RARB: variants seen among roughly 807,000 people sequenced by gnomAD.
RARB encodes the protein HBV-activated protein.
A neutral mutation model predicts 51.9 loss-of-function variants in RARB; 17 were observed. The observed-to-expected ratio is 0.33, with a 90% confidence interval of 0.22 to 0.49. RARB has a LOEUF of 0.49. Ranked by LOEUF, RARB falls within the 20% of genes least tolerant of loss-of-function variation. RARB has a pLI of 0.99. For missense variants in RARB, 369 were observed against 550.8 expected, an observed-to-expected ratio of 0.67 and a Z score of 3.30; for synonymous variants, 215 against 195.4, an observed-to-expected ratio of 1.10 and a Z score of -0.84.
At chr3:24,934,858 G>C (rs1229330182) in intron 2 of RARB, among the ~76,000 whole-genome samples, 2 of 152,036 alleles carry the variant, frequency 1.3e-5, no homozygotes, top group East Asian at 1.9e-4. Context: ...TGATGACTAT[G>C]ATTTATCAAG....
chr3:25,364,347 T>G (rs1163408980), intron 5 of RARB, among the ~76,000 whole-genome samples: 1 of 152,172 alleles, frequency 6.6e-6, no homozygotes, highest in Non-Finnish European at 1.5e-5. Context: ...TGGTAAGCAA[T>G]TTTTAAACAA....
intron 1 of RARB, among the ~76,000 whole-genome samples, chr3:24,834,141 C>T (rs1702313834): frequency 6.6e-6 from 1 of 152,186 alleles, no homozygotes; most frequent in South Asian, 2.1e-4. Context: ...TGGATATGTT[C>T]CAAGGTAGAA....
chr3:25,218,695 C>T (rs1442475374), intron 5 of RARB, among the ~76,000 whole-genome samples: 1 of 152,190 alleles, frequency 6.6e-6, no homozygotes, highest in East Asian at 1.9e-4. Context: ...CCATATCTAG[C>T]AAAAGTCTTT....
At chr3:25,247,929 T>G (rs1415943264) in intron 5 of RARB, among the ~76,000 whole-genome samples, 1 of 152,246 alleles carries the variant, frequency 6.6e-6, no homozygotes, top group Non-Finnish European at 1.5e-5. Context: ...CTAGTATTTC[T>G]TTGTTAGTTT....
At chr3:24,882,693 C>T (rs1703191131) in intron 2 of RARB, among the ~76,000 whole-genome samples, 1 of 152,184 alleles carries the variant, frequency 6.6e-6, no homozygotes, top group Non-Finnish European at 1.5e-5. Context: ...GCCCCAACAT[C>T]TTCAAATCTG....
chr3:25,245,716 C>T (rs1193332190), intron 5 of RARB, among the ~76,000 whole-genome samples: 1 of 152,190 alleles, frequency 6.6e-6, no homozygotes, highest in Admixed American at 6.5e-5. Context: ...CCTGACCTTT[C>T]TCTCTGACTG....
chr3:25,524,799 G>A (rs144044114), intron 3 of RARB, among the ~76,000 whole-genome samples: 16 of 151,958 alleles, frequency 1.1e-4, no homozygotes, highest in African/African-American at 3.4e-4. Context: ...GCACAATCTT[G>A]GTTCACTGCA....
intron 5 of RARB, among the ~76,000 whole-genome samples, chr3:25,590,611 C>T (rs1701579294): frequency 3.3e-5 from 5 of 152,246 alleles, no homozygotes; most frequent in Admixed American, 6.5e-5. Context: ...ACCTCCCCCT[C>T]CCAGTTCAAG....
chr3:25,534,952 C>T (rs1300088509), intron 3 of RARB, among the ~76,000 whole-genome samples: 1 of 152,140 alleles, frequency 6.6e-6, no homozygotes, highest in Non-Finnish European at 1.5e-5. Context: ...TGTATGCTTG[C>T]CAGTAAAGTG....
intron 2 of RARB, among the ~76,000 whole-genome samples, chr3:24,901,876 T>TTA (rs929091790): frequency 3.9e-5 from 6 of 152,080 alleles, no homozygotes; most frequent in Non-Finnish European, 1.5e-5. Context: ...TGCTAAGCAT[T>TTA]TATATATATA....
intron 2 of RARB, among the ~76,000 whole-genome samples, chr3:25,027,711 C>G (rs1697779681): frequency 6.6e-6 from 1 of 151,872 alleles, no homozygotes; most frequent in South Asian, 2.1e-4. Context: ...CCTTATGATC[C>G]TCAGTGGCAA....
intron 3 of RARB, among the ~76,000 whole-genome samples, chr3:25,121,141 T>A (rs1351703498): frequency 2.0e-5 from 3 of 152,118 alleles, no homozygotes; most frequent in Non-Finnish European, 4.4e-5. Flanking sequence ...TGCAAGCCAG[T>A]GAGGAAGGCT....
chr3:24,936,502 C>G (rs1393896057), intron 2 of RARB, among the ~76,000 whole-genome samples: 10 of 152,142 alleles, frequency 6.6e-5, no homozygotes, highest in Admixed American at 2.0e-4. Flanking sequence ...ACAATCAACT[C>G]AAATGACTAA....
chr3:25,067,333 G>A (rs1185191349), intron 3 of RARB, among the ~76,000 whole-genome samples: 1 of 152,184 alleles, frequency 6.6e-6, no homozygotes, highest in Non-Finnish European at 1.5e-5. Context: ...AAAAGAAGCA[G>A]AGAAGTACTT....
chr3:24,996,550 T>C (rs1697044723), intron 2 of RARB, among the ~76,000 whole-genome samples: 1 of 151,524 alleles, frequency 6.6e-6, no homozygotes, highest in South Asian at 2.1e-4. Flanking sequence ...TTCGGTTGTT[T>C]ATTTGAAATC....
intron 1 of RARB, among the ~76,000 whole-genome samples, chr3:24,838,791 T>C (rs1702379055): frequency 6.6e-6 from 1 of 152,056 alleles, no homozygotes; most frequent in African/African-American, 2.4e-5. Flanking sequence ...ATTAAGAACA[T>C]GAAAGAGGGC....
At chr3:25,325,628 C>T (rs887107340) in intron 5 of RARB, among the ~76,000 whole-genome samples, 2 of 151,970 alleles carry the variant, frequency 1.3e-5, no homozygotes, top group Admixed American at 1.3e-4. Context: ...CTGCTGCCAA[C>T]TTCTAACTGC....
At chr3:25,535,247 A>G (rs1301691258) in intron 3 of RARB, among the ~76,000 whole-genome samples, 1 of 152,070 alleles carries the variant, frequency 6.6e-6, no homozygotes, top group Non-Finnish European at 1.5e-5. Flanking sequence ...GAATTCTGAA[A>G]TGGAAATCTT....
chr3:25,109,996 T>G (rs1452936381), intron 3 of RARB, among the ~76,000 whole-genome samples: 1 of 152,220 alleles, frequency 6.6e-6, no homozygotes, highest in Non-Finnish European at 1.5e-5. Context: ...TATTACCTTA[T>G]AATACTTGTG....
Sources: allele counts gnomAD v4.1 joint callset (sites outside exome capture counted in the v4.1 genomes callset), GRCh38; gene constraint gnomAD v4.1.1; transcripts MANE v1.5; gene names NCBI Gene and HGNC (gene_info 2026-07-23, HGNC 2026-07-21).